TTC21B: variants seen among roughly 807,000 people sequenced by gnomAD.
TTC21B encodes tetratricopeptide repeat domain 21B.
A neutral mutation model predicts 175.1 loss-of-function variants in TTC21B; 127 were observed. The observed-to-expected ratio is 0.73, with a 90% CI of 0.63 to 0.84. The LOEUF is 0.84. Among genes scored for constraint, TTC21B ranks in the 40% least tolerant of loss-of-function variants. The pLI is 0.00. For missense variants in TTC21B, 1,561 were observed against 1,558.3 expected (o/e 1.00, Z -0.03); for synonymous variants, 524 against 524.5 (o/e 1.00, Z 0.01).
At position 165,899,830 on chromosome 2, in the gene TTC21B, G is replaced by A; in HGVS notation, c.2808C>T (p.Ser936=). The A allele has an allele frequency of 1.9e-6, 3 of 1,614,050 alleles. No individual in the cohort carries two copies. The highest frequency in any genetic ancestry group is 2.5e-6 in the Non-Finnish European group (3 of 1,179,962). The change falls in exon 21 of 29, where the codon TCC becomes TCT. Residue 936 remains serine, a synonymous_variant. Transcript: ENST00000243344. ...RLYLAQDDPD[S]CLRQCALLLQ... ...GCAGTAGAGCACACTGCCGCAGGCA[G>A]GAATCAGGGTCATCTTGTGCCAGGT...
At chr2:165,916,462 T>C (rs1686180431) in intron 14 of TTC21B, among the ~76,000 whole-genome samples, 1 of 152,222 alleles carries the variant, frequency 6.6e-6, no homozygotes, top group Non-Finnish European at 1.5e-5. Flanking sequence ...TCTTATCGTA[T>C]ATATTATTAT....
At chr2:165,886,360 G>A (rs1481648286) in intron 25 of TTC21B, among the ~76,000 whole-genome samples, 1 of 152,084 alleles carries the variant, frequency 6.6e-6, no homozygotes. Context: ...CAGTATGCTT[G>A]TCTTGTCTTC....
At chr2:165,939,863 A>T (rs540924472) in intron 6 of TTC21B, among the ~76,000 whole-genome samples, 1 of 152,152 alleles carries the variant, frequency 6.6e-6, no homozygotes, top group Non-Finnish European at 1.5e-5. Flanking sequence ...CTGGGACTAG[A>T]GTGCTCTGGA....
chr2:165,943,791 A>G (rs1687453255), intron 4 of TTC21B, among the ~76,000 whole-genome samples: 1 of 152,166 alleles, frequency 6.6e-6, no homozygotes, highest in Non-Finnish European at 1.5e-5. Context: ...TCTGGCAACA[A>G]TCTTCTTAAC....
chr2:165,951,828 G>A (rs1687771201), intron 1 of TTC21B, among the ~76,000 whole-genome samples: 1 of 152,178 alleles, frequency 6.6e-6, no homozygotes, highest in Admixed American at 6.5e-5. Flanking sequence ...TGTAAGAAAA[G>A]AGCTTATAAA....
In TTC21B at chr2:165,891,221, A is replaced by T. The variant is rs539083974; in HGVS notation, c.2951-233T>A. On this transcript the variant is annotated intron_variant, in intron 22 of 28. Coordinates refer to ENST00000243344, the MANE Select transcript of TTC21B (RefSeq NM_024753.5). ...CAGTGTCTACATAGGCAAATCTAGA[A>T]AAATGCATATTTCTTGTAGCTTTTC... Among the ~76,000 whole-genome samples, 4 of 152,180 alleles carry T rather than the reference A, an allele frequency of 2.6e-5. 1 individual carries two copies. Among genetic ancestry groups the T allele is most frequent in the African/African-American group, 9.6e-5 (4 of 41,516 alleles).
intron 22 of TTC21B, 54 bp from the exon 23 acceptor site, chr2:165,891,042 T>C (rs1685174941): frequency 1.4e-6 from 2 of 1,433,780 alleles, no homozygotes; most frequent in African/African-American, 1.4e-5. Flanking sequence ...GTTTCTTTTG[T>C]TGGTTATAAT....
At chr2:165,932,153 G>A (rs1686934532) in intron 7 of TTC21B, among the ~76,000 whole-genome samples, 1 of 152,126 alleles carries the variant, frequency 6.6e-6, no homozygotes, top group Non-Finnish European at 1.5e-5. Flanking sequence ...GCCCAGCTCC[G>A]CCTTCAATAG....
chr2:165,951,202 T>A (rs1038361561), intron 1 of TTC21B, among the ~76,000 whole-genome samples: 2 of 152,184 alleles, frequency 1.3e-5, no homozygotes, highest in Non-Finnish European at 2.9e-5. Flanking sequence ...TTACTTGACT[T>A]CTGCACACTA....
Position 165,884,029 on chromosome 2 carries a change from AC to A in TTC21B, c.3460-12del, listed in dbSNP as rs756243317. On this transcript the variant is annotated splice_polypyrimidine_tract_variant and intron_variant, in intron 25 of 28. Coordinates refer to ENST00000243344, the MANE Select transcript of TTC21B (RefSeq NM_024753.5). The stretch of plus-strand genomic sequence containing the variant: ...TGGGATATGCTCCTTCTATAAGAAA[AC>A]AAAATTTTAGACCATAAGATGCATA... The A allele has an allele frequency of 6.2e-7, 1 of 1,611,848 alleles. No individual in the cohort carries two copies.
chr2:165,893,202 G>A (rs1446073390), intron 22 of TTC21B, among the ~76,000 whole-genome samples: 1 of 151,998 alleles, frequency 6.6e-6, no homozygotes, highest in East Asian at 1.9e-4. Flanking sequence ...GAGTGCTACA[G>A]AAATAAAGGC....
At chr2:165,924,095 GC>G (rs1401047565) in intron 12 of TTC21B, among the ~76,000 whole-genome samples, 2 of 152,094 alleles carry the variant, frequency 1.3e-5, no homozygotes, top group African/African-American at 4.8e-5. Flanking sequence ...ATTTGTCTGT[GC>G]CTTAGAAAAC....
chr2:165,888,313 G>A lies in TTC21B; in HGVS notation c.3425C>T (p.Ala1142Val). Residue 1142 changes from alanine to valine, a missense_variant, in exon 25 of 29, where the codon GCA becomes GTA. Coordinates refer to ENST00000243344, the MANE Select transcript of TTC21B (RefSeq NM_024753.5). ...ATKQKSNVEQ[A>V]LNTFTEIAAS... Reference sequence around the variant, plus strand: ...TGCTATTTCAGTGAAGGTATTTAATGCTTGTTCAACATTAGATTTCTGTTT... The same window carrying A: ...TGCTATTTCAGTGAAGGTATTTAATACTTGTTCAACATTAGATTTCTGTTT... 6.2e-7 allele frequency: 1 copy of A among 1,613,786 alleles called. No individual in the cohort carries two copies. The highest frequency in any genetic ancestry group is 8.5e-7 in the Non-Finnish European group (1 of 1,179,806).
At chr2:165,876,369 C>A in intron 27 of TTC21B, 137 bp from the exon 28 acceptor site, 1 of 667,238 alleles carries the variant, frequency 1.5e-6, no homozygotes. Flanking sequence ...CTACGCTATA[C>A]AGAGAAGTTG....
In TTC21B at chr2:165,933,063, G is replaced by A; in HGVS notation, c.711-6C>T. 2 of 1,611,112 alleles carry A rather than the reference G, an allele frequency of 1.2e-6. No individual in the cohort carries two copies. Among genetic ancestry groups the A allele is most frequent in the Non-Finnish European group, 1.7e-6 (2 of 1,178,496 alleles). On this transcript the variant is annotated splice_polypyrimidine_tract_variant and splice_region_variant and intron_variant, in intron 6 of 28. Coordinates refer to ENST00000243344, the MANE Select transcript of TTC21B (RefSeq NM_024753.5). ...GGCTATCTTGGAGCAGCAACCTGCA[G>A]GAAAACAATTTAGTTAATGTCAAAA...
chr2:165,927,935 T>C (rs913675123), intron 11 of TTC21B, among the ~76,000 whole-genome samples: 8 of 152,212 alleles, frequency 5.3e-5, no homozygotes, highest in Admixed American at 4.6e-4. Context: ...GAACGCTTGA[T>C]AGTGCCTGCT....
chr2:165,925,434 C>T (rs142290380), intron 11 of TTC21B, among the ~76,000 whole-genome samples: 224 of 152,228 alleles, frequency 1.5e-3, no homozygotes, highest in African/African-American at 5.1e-3. Flanking sequence ...GTTCATTCCT[C>T]CTGCTTTGCC....
At chr2:165,939,983 C>T (rs1687303506) in intron 6 of TTC21B, among the ~76,000 whole-genome samples, 1 of 152,170 alleles carries the variant, frequency 6.6e-6, no homozygotes, top group Admixed American at 6.5e-5. Context: ...ATAGTACCTT[C>T]CTCTTAGGGT....
chr2:165,941,148 C>A lies in TTC21B; in HGVS notation c.589G>T (p.Ala197Ser). The A allele has an allele frequency of 1.9e-6, 3 of 1,613,900 alleles. No homozygotes were observed. Among genetic ancestry groups the A allele is most frequent in the Non-Finnish European group, 2.5e-6 (3 of 1,179,850 alleles). The part of the protein sequence containing the change: ...CLEMRQNYSG[A>S]LETVNQIIVN... ...ATTATCTGGTTCACAGTCTCCAGGG[C>A]ACCTGAATAATTCTGGCGCATCTCA... Residue 197 changes from alanine (A) to serine (S), a missense_variant, in exon 6 of 29, where the codon GCC (alanine) becomes TCC (serine). Physicochemically the swap from Ala to Ser is moderately conservative, Grantham distance 99 (BLOSUM62 1). Coordinates refer to ENST00000243344, the MANE Select transcript of TTC21B (RefSeq NM_024753.5).
Sources: gnomAD v4.1 joint callset for allele counts (sites outside exome capture counted in the v4.1 genomes callset) on GRCh38, gnomAD v4.1.1 for gene constraint, MANE v1.5 for transcripts, NCBI Gene and HGNC (gene_info 2026-07-23, HGNC 2026-07-21) for gene names.